The following DSC1 variants were observed in gnomAD, a reference collection of about 807,000 sequenced individuals.
The protein encoded by DSC1 is desmocollin 1, also known as desmocollin-1.
DSC1 carries 79 observed loss-of-function variants against 98.8 expected under a neutral mutation model. The ratio of observed to expected loss-of-function variants is 0.80; its 90% confidence interval spans 0.67 to 0.96. The LOEUF is 0.96. Among genes scored for constraint, DSC1 ranks in the 50% least tolerant of loss-of-function variants. The probability of loss-of-function intolerance (pLI) is 0.00; values close to 1 mark genes in which losing one functional copy is unlikely to be tolerated. For synonymous variants in DSC1, 405 were observed against 372.1 expected (o/e 1.09, Z -1.02); for missense variants, 1,115 against 1,075.9 (o/e 1.04, Z -0.51).
At chr18:31,136,239 GAAT>G (rs1988605907) in intron 11 of DSC1, among the ~76,000 whole-genome samples, 2 of 151,964 alleles carry the variant, frequency 1.3e-5, no homozygotes, top group South Asian at 4.2e-4. Flanking sequence ...ACTAAGAAAT[GAAT>G]AATATGAAAA....
intron 3 of DSC1, among the ~76,000 whole-genome samples, chr18:31,156,481 C>T (rs1989100718): frequency 6.6e-6 from 1 of 152,166 alleles, no homozygotes; most frequent in Non-Finnish European, 1.5e-5. Context: ...CAACTTTATT[C>T]CACTAGGACT....
chr18:31,133,802 G>T, intron 13 of DSC1, 89 bp downstream of exon 13: 1 of 1,291,446 alleles, frequency 7.7e-7, no homozygotes, highest in Non-Finnish European at 1.0e-6. Context: ...CTTCCCAAAG[G>T]CTATTAATAT....
chr18:31,143,590 C>T, intron 8 of DSC1, 67 bp downstream of exon 8: 1 of 1,315,886 alleles, frequency 7.6e-7, no homozygotes, highest in Non-Finnish European at 1.0e-6. Context: ...ACAGAGCTAC[C>T]AAATTCTAGA....
chr18:31,130,693 G>A lies in DSC1; in HGVS notation c.2506C>T (p.Gln836Ter). 1 of 1,613,980 alleles carries A rather than the reference G, an allele frequency of 6.2e-7. No homozygotes were observed. Among genetic ancestry groups the A allele is most frequent in the East Asian group, 2.2e-5 (1 of 44,870 alleles). Reference sequence around the variant, plus strand: ...TCACAATGTTTATGCTCCTCATCTTGTCCACACAAATACACCTTCTGTATC... The same window carrying A: ...TCACAATGTTTATGCTCCTCATCTTATCCACACAAATACACCTTCTGTATC... ...RLGEKVYLCG[Q>*]DEEHKHCEDY... Residue 836 changes from glutamine (Q) to a stop codon, truncating the protein, a stop_gained, in exon 16 of 16, where the codon CAA becomes TAA. Coordinates refer to ENST00000257198, the MANE Select transcript of DSC1 (RefSeq NM_024421.2). LOFTEE classifies it high-confidence loss of function.
At chr18:31,157,974 T>C (rs1224362309) in intron 2 of DSC1, among the ~76,000 whole-genome samples, 1 of 152,104 alleles carries the variant, frequency 6.6e-6, no homozygotes, top group African/African-American at 2.4e-5. Flanking sequence ...CTTAAAACTA[T>C]CTTGCCAAAA....
intron 15 of DSC1, 142 bp from the exon 16 acceptor site, chr18:31,130,853 T>C: frequency 1.2e-6 from 2 of 1,606,820 alleles, no homozygotes; most frequent in Non-Finnish European, 1.7e-6. Flanking sequence ...ATATAAAAAA[T>C]GCACAGGATT....
In DSC1 at chr18:31,134,425, T is replaced by C; in HGVS notation, c.1876+147A>G. On this transcript the variant is annotated intron_variant, in intron 12 of 15. Transcript: ENST00000257198. ...CTAAGCTCATCACAATGGCACTAAT[T>C]TTTTTTAAAGATTAGGTATTGTTGT... is the stretch of plus-strand genomic sequence containing the variant. 3.6e-6 allele frequency: 3 copies of C among 822,586 alleles called. No homozygotes were observed. In the Admixed American group the frequency reaches 9.2e-5, roughly 25 times the overall value. The allele number at this position is 822,586 out of a possible 1,614,324, so 51.0% of individuals were successfully genotyped here.
chr18:31,159,467 C>G lies in DSC1; in HGVS notation c.126G>C (p.Gln42His), dbSNP rs114213479. 754 of 1,611,784 alleles carry G rather than the reference C, an allele frequency of 4.7e-4. 13 individuals are homozygous for G. In the East Asian group the frequency reaches 0.017, roughly 36 times the overall value. Reference sequence around the variant, plus strand: ...CACCTTTGCCTACAAGTGTTTCAGCCTGAAGATGAGAAGGAACTCGAAGAT... The same window carrying G: ...CACCTTTGCCTACAAGTGTTTCAGCGTGAAGATGAGAAGGAACTCGAAGAT... ...KVYLRVPSHL[Q>H]AETLVGKVNL... The change falls in exon 2 of 16, where the codon CAG (glutamine) becomes CAC (histidine). Residue 42 changes from glutamine (Q) to histidine (H), a missense_variant. Coordinates refer to ENST00000257198, the MANE Select transcript of DSC1 (RefSeq NM_024421.2).
rs1462719179 is a variant in DSC1 at position 31,159,462 on chromosome 18, T to A, written c.131A>T (p.Glu44Val). The A allele has an allele frequency of 6.2e-7, 1 of 1,612,922 alleles. No individual in the cohort carries two copies. Among genetic ancestry groups the A allele is most frequent in the Non-Finnish European group, 8.5e-7 (1 of 1,179,800 alleles). Residue 44 changes from glutamate to valine, a missense_variant, in exon 2 of 16, where the codon GAA (glutamate) becomes GTA (valine). Transcript: ENST00000257198. ...TTTCTCACCTTTGCCTACAAGTGTT[T>A]CAGCCTGAAGATGAGAAGGAACTCG... ...YLRVPSHLQA[E>V]TLVGKVNLEE... is the part of the protein sequence containing the mutation.
intron 4 of DSC1, among the ~76,000 whole-genome samples, chr18:31,155,482 TA>T (rs1245511768): frequency 7.1e-6 from 1 of 141,518 alleles, no homozygotes; most frequent in Non-Finnish European, 1.5e-5. Flanking sequence ...ATACAAAAAT[TA>T]GCTGGGCTTC....
At chr18:31,142,506 T>G (rs552809901) in intron 8 of DSC1, among the ~76,000 whole-genome samples, 1 of 152,290 alleles carries the variant, frequency 6.6e-6, no homozygotes, top group South Asian at 2.1e-4. Context: ...CTCCCATTTT[T>G]ACACAGTAAA....
chr18:31,148,096 A>T (rs1368410700), intron 6 of DSC1, among the ~76,000 whole-genome samples: 2 of 152,144 alleles, frequency 1.3e-5, no homozygotes, highest in African/African-American at 2.4e-5. Flanking sequence ...ATACTGAACA[A>T]CAACTTTTCC....
At chr18:31,139,933 G>A (rs952282919) in intron 10 of DSC1, 43 bp from the exon 11 acceptor site, 43 of 1,564,810 alleles carry the variant, frequency 2.7e-5, no homozygotes, top group Non-Finnish European at 3.6e-5. Context: ...ATCAAAGAAG[G>A]GACATGATCT....
At position 31,162,520 on chromosome 18, in the gene DSC1, G is replaced by T. The variant is rs781341049; in HGVS notation, c.63+12C>A. On this transcript the variant is annotated intron_variant, in intron 1 of 15. Coordinates refer to ENST00000257198, the MANE Select transcript of DSC1 (RefSeq NM_024421.2). ...CATGCTTGAATTCCCTAATCCTTTG[G>T]TTGTTACTCACCAGGAGAGAGAAAA... 1 of 1,613,592 alleles carries T rather than the reference G, an allele frequency of 6.2e-7. No homozygotes were observed. The highest frequency in any genetic ancestry group is 2.2e-5 in the East Asian group (1 of 44,864).
intron 2 of DSC1, among the ~76,000 whole-genome samples, chr18:31,157,877 A>G (rs957073656): frequency 6.6e-6 from 1 of 152,174 alleles, no homozygotes; most frequent in African/African-American, 2.4e-5. Flanking sequence ...AAATTTATAT[A>G]TGTGTATACA....
intron 9 of DSC1, among the ~76,000 whole-genome samples, chr18:31,140,958 T>C (rs1003251398): frequency 2.0e-5 from 3 of 152,174 alleles, no homozygotes; most frequent in Non-Finnish European, 4.4e-5. Flanking sequence ...TGAATAAGTC[T>C]CGCAGGAGCT....
In DSC1 at chr18:31,130,271, T is replaced by A; in HGVS notation, c.*243A>T. The A allele has an allele frequency of 1.9e-6, 1 of 519,870 alleles. No homozygotes were observed. The highest frequency in any genetic ancestry group is 3.4e-6 in the Non-Finnish European group (1 of 293,636). 32.2% of individuals were successfully genotyped at this position (519,870 alleles called of 1,614,324 possible). A position where few individuals can be genotyped will look rare whatever the true frequency, so the allele number is the denominator to read the frequency against. On this transcript the variant is annotated 3_prime_UTR_variant, in exon 16 of 16. Coordinates refer to ENST00000257198, the MANE Select transcript of DSC1 (RefSeq NM_024421.2). ...TGCAAGAAGGTGTACAGTACAGTCGTGAAAAGGGCAATATATACATGCATA... is the reference window on the plus strand; with the variant it reads ...TGCAAGAAGGTGTACAGTACAGTCGAGAAAAGGGCAATATATACATGCATA...
In DSC1 at chr18:31,148,503, C is replaced by T. The variant is rs374935177; in HGVS notation, c.767G>A (p.Arg256Gln). The change falls in exon 6 of 16, where the codon CGA (arginine) becomes CAA (glutamine). Residue 256 changes from arginine to glutamine, a missense_variant. Coordinates refer to ENST00000257198, the MANE Select transcript of DSC1 (RefSeq NM_024421.2). ...VTIFTVPENC[R>Q]SGTSVGKVTA... Reference sequence around the variant, plus strand: ...ACAATAAAATGTGAACTTACCGGATCGGCAATTTTCAGGCACAGTAAAGAT... The same window carrying T: ...ACAATAAAATGTGAACTTACCGGATTGGCAATTTTCAGGCACAGTAAAGAT... The T allele has an allele frequency of 5.0e-5, 79 of 1,593,502 alleles. No individual in the cohort carries two copies. The highest frequency in any genetic ancestry group is 1.7e-4 in the Middle Eastern group (1 of 6,002).
chr18:31,131,430 C>G (rs879902874), intron 15 of DSC1, 164 bp downstream of exon 15: 5 of 964,466 alleles, frequency 5.2e-6, no homozygotes, highest in Non-Finnish European at 7.5e-6. Flanking sequence ...TTTCAAAGAT[C>G]ATTTTTATCT....
Sources: gnomAD v4.1 joint callset for allele counts (sites outside exome capture counted in the v4.1 genomes callset) on GRCh38, gnomAD v4.1.1 for gene constraint, MANE v1.5 for transcripts, NCBI Gene and HGNC (gene_info 2026-07-23, HGNC 2026-07-21) for gene names.